The following SLC7A1 variants were observed in gnomAD, a reference collection of about 807,000 sequenced individuals.
The protein encoded by SLC7A1 is solute carrier family 7 member 1.
Under a neutral mutation model 53.9 loss-of-function variants are expected in SLC7A1, and 10 were observed. The ratio of observed to expected loss-of-function variants is 0.19; its 90% CI spans 0.11 to 0.31. The LOEUF (loss-of-function observed/expected upper bound fraction) is 0.31, where lower values mean the gene tolerates loss of function less well. SLC7A1 is among the 10% of genes least tolerant of loss of function. The pLI is 1.00. For missense variants in SLC7A1, 525 were observed against 827.2 expected (o/e 0.63, Z 4.48); for synonymous variants, 342 against 338.7 (o/e 1.01, Z -0.11).
intron 2 of SLC7A1, among the ~76,000 whole-genome samples, chr13:29,553,248 C>T (rs555985515): frequency 1.3e-5 from 2 of 152,222 alleles, no homozygotes; most frequent in Non-Finnish European, 2.9e-5. Flanking sequence ...CTGGAAGCAG[C>T]CCTTGACCTT....
intron 6 of SLC7A1, 87 bp from the exon 7 acceptor site, chr13:29,523,575 C>A: frequency 1.0e-6 from 1 of 982,038 alleles, no homozygotes; most frequent in East Asian, 2.6e-5. Flanking sequence ...CTCAGTGCCC[C>A]GGAACCCACG....
Position 29,509,797 on chromosome 13 carries a change from G to C in SLC7A1, c.*4683C>G, listed in dbSNP as rs964765007. 2 of 152,496 alleles carry C rather than the reference G, an allele frequency of 1.3e-5. No individual in the cohort carries two copies. The highest frequency in any genetic ancestry group is 2.9e-5 in the Non-Finnish European group (2 of 68,020). 9.4% of individuals were successfully genotyped at this position (152,496 alleles called of 1,614,324 possible). On this transcript the variant is annotated 3_prime_UTR_variant, in exon 13 of 13. Coordinates refer to ENST00000380752, the MANE Select transcript of SLC7A1 (RefSeq NM_003045.5). ...AATAATGGCTCCATGTTCAGTAGAA[G>C]AAAATATTTACTGGAGAAACCACAG...
intron 2 of SLC7A1, among the ~76,000 whole-genome samples, chr13:29,547,536 TAA>T (rs1869975841): frequency 6.6e-6 from 1 of 152,170 alleles, no homozygotes; most frequent in South Asian, 2.1e-4. Context: ...AACATAAAAA[TAA>T]GTGTATACAA....
At chr13:29,516,332 C>T (rs1883553770) in intron 11 of SLC7A1, 86 bp from the exon 12 acceptor site, 2 of 849,420 alleles carry the variant, frequency 2.4e-6, no homozygotes, top group Admixed American at 2.1e-5. Flanking sequence ...GGCAGCACAA[C>T]TGAGAGTGAC....
intron 3 of SLC7A1, among the ~76,000 whole-genome samples, chr13:29,533,733 C>A (rs543519870): frequency 1.2e-4 from 19 of 152,326 alleles, no homozygotes; most frequent in African/African-American, 4.6e-4. Context: ...AAAATGCCAA[C>A]AATAGTTGGC....
chr13:29,523,388 C>G lies in SLC7A1; in HGVS notation c.927G>C (p.Thr309=), dbSNP rs1267297509. ...CCAGGCAGAAGTAGGGCATCATGAG[C>G]GTGAGGGCAGCCGACACCCCAAAGT... is the stretch of plus-strand genomic sequence containing the variant. The part of the protein sequence containing the change: ...IAYFGVSAAL[T]LMMPYFCLDN... Residue 309 remains threonine, a synonymous_variant, in exon 7 of 13, where the codon ACG becomes ACC. Transcript: ENST00000380752. 11 of 1,613,650 alleles carry G rather than the reference C, an allele frequency of 6.8e-6. No homozygotes were observed. In the African/African-American group the frequency reaches 1.1e-4, roughly 16 times the overall value.
intron 2 of SLC7A1, among the ~76,000 whole-genome samples, chr13:29,543,226 T>C (rs1869745741): frequency 6.6e-6 from 1 of 152,076 alleles, no homozygotes; most frequent in African/African-American, 2.4e-5. Flanking sequence ...ACTACTTTCA[T>C]GGGGGAAAAA....
At chr13:29,589,907 G>A (rs1222786301) in intron 1 of SLC7A1, among the ~76,000 whole-genome samples, 1 of 152,192 alleles carries the variant, frequency 6.6e-6, no homozygotes, top group Non-Finnish European at 1.5e-5. Context: ...CCCACTGGGT[G>A]GTTAGGAAGA....
At chr13:29,584,720 GA>G (rs567981198) in intron 1 of SLC7A1, among the ~76,000 whole-genome samples, 252 of 149,616 alleles carry the variant, frequency 1.7e-3, no homozygotes, top group Middle Eastern at 3.4e-3. Flanking sequence ...TATTTTCTAA[GA>G]AAAAAAAAGA....
intron 1 of SLC7A1, among the ~76,000 whole-genome samples, chr13:29,580,967 C>T (rs980563931): frequency 6.6e-6 from 1 of 152,158 alleles, no homozygotes; most frequent in Non-Finnish European, 1.5e-5. Flanking sequence ...GCCAGAGCCT[C>T]CCGGAGAAGA....
chr13:29,537,371 C>T (rs1237054465), intron 2 of SLC7A1, among the ~76,000 whole-genome samples: 1 of 152,224 alleles, frequency 6.6e-6, no homozygotes, highest in African/African-American at 2.4e-5. Flanking sequence ...ACATCCTGTT[C>T]TACAAAATAC....
In SLC7A1 at chr13:29,535,824, A is replaced by T; in HGVS notation, c.365T>A (p.Ile122Asn). 1 of 1,613,346 alleles carries T rather than the reference A, an allele frequency of 6.2e-7. No individual in the cohort carries two copies. Among genetic ancestry groups the T allele is most frequent in the East Asian group, 2.2e-5 (1 of 44,840 alleles). ...TCCGGACCCCTGGGACCTACCGATG[A>T]TGTAGGAGAGGATTAAGTTCCAGCC... ...ITGWNLILSY[I>N]IGTSSVARAW... The change falls in exon 3 of 13, where the codon ATC (isoleucine) becomes AAC (asparagine). Residue 122 changes from isoleucine to asparagine, a missense_variant. By Grantham distance (149) the Ile-to-Asn change is moderately radical. Transcript: ENST00000380752.
Position 29,522,321 on chromosome 13 carries a change from A to G in SLC7A1, c.1185T>C (p.Val395=). The G allele has an allele frequency of 1.2e-6, 2 of 1,614,206 alleles. No individual in the cohort carries two copies. The highest frequency in any genetic ancestry group is 1.7e-6 in the Non-Finnish European group (2 of 1,180,018). Residue 395 remains valine, a synonymous_variant, in exon 8 of 13, where the codon GTT becomes GTC. Transcript: ENST00000380752. ...PIIATLASGA[V]AAVMAFLFDL... is the part of the protein sequence containing the mutation. ...GAAATGAGTTCTAGTACTCACCAGC[A>G]ACGGCACCCGAGGCTAATGTGGCGA...
At chr13:29,589,548 G>A (rs867165186) in intron 1 of SLC7A1, among the ~76,000 whole-genome samples, 1 of 152,166 alleles carries the variant, frequency 6.6e-6, no homozygotes, top group East Asian at 1.9e-4. Flanking sequence ...GCTGTGCCAG[G>A]TGCCTGGACT....
At chr13:29,548,666 C>T (rs149116522) in intron 2 of SLC7A1, among the ~76,000 whole-genome samples, 18 of 152,382 alleles carry the variant, frequency 1.2e-4, no homozygotes, top group Non-Finnish European at 1.8e-4. Flanking sequence ...GTCCAGCCTT[C>T]TCCTTTTAGG....
chr13:29,559,601 C>T (rs1870645070), intron 1 of SLC7A1, among the ~76,000 whole-genome samples: 1 of 151,684 alleles, frequency 6.6e-6, no homozygotes. Flanking sequence ...CTGCTGGAGA[C>T]TTGAGGAACA....
intron 11 of SLC7A1, 126 bp from the exon 12 acceptor site, chr13:29,516,372 A>T: frequency 1.5e-6 from 1 of 647,634 alleles, no homozygotes; most frequent in Non-Finnish European, 2.8e-6. Flanking sequence ...TGGGGAAGAG[A>T]GAGGGAGTGC....
At chr13:29,563,472 GC>G (rs1870845950) in intron 1 of SLC7A1, among the ~76,000 whole-genome samples, 1 of 152,136 alleles carries the variant, frequency 6.6e-6, no homozygotes, top group Non-Finnish European at 1.5e-5. Context: ...CTGTCATCAC[GC>G]CCCTGGAGAA....
intron 1 of SLC7A1, among the ~76,000 whole-genome samples, chr13:29,582,363 G>C (rs1037113864): frequency 6.6e-6 from 1 of 152,194 alleles, no homozygotes; most frequent in Non-Finnish European, 1.5e-5. Context: ...AACCAAGCTG[G>C]GCCGAAATAA....
Sources: gnomAD v4.1 joint callset for allele counts (sites outside exome capture counted in the v4.1 genomes callset) on GRCh38, gnomAD v4.1.1 for gene constraint, MANE v1.5 for transcripts, NCBI Gene and HGNC (gene_info 2026-07-23, HGNC 2026-07-21) for gene names.